Variants in USP3 observed in about 807,000 individuals in gnomAD.
USP3 encodes the protein ubiquitin specific peptidase 3, also known as ubiquitin carboxyl-terminal hydrolase 3.
A neutral mutation model predicts 72.3 loss-of-function variants in USP3; 20 were observed. That is an observed-to-expected ratio of 0.28 (90% CI 0.19 to 0.40). The LOEUF (loss-of-function observed/expected upper bound fraction) is 0.40. Among genes scored for constraint, USP3 ranks in the 10% least tolerant of loss-of-function variants. USP3 has a pLI of 1.00. For missense variants in USP3, 479 were observed against 633.9 expected (o/e 0.76, Z 2.62); for synonymous variants, 222 against 225.3 (o/e 0.99, Z 0.13).
intron 7 of USP3, among the ~76,000 whole-genome samples, chr15:63,562,541 A>C (rs995491784): frequency 2.6e-5 from 4 of 152,204 alleles, no homozygotes; most frequent in Non-Finnish European, 4.4e-5. Flanking sequence ...GGGGAGAAAG[A>C]AAGCCGAATG....
At chr15:63,513,430 A>G (rs1451957631) in intron 1 of USP3, among the ~76,000 whole-genome samples, 1 of 152,124 alleles carries the variant, frequency 6.6e-6, no homozygotes, top group Non-Finnish European at 1.5e-5. Flanking sequence ...CCCAGTCTGG[A>G]GTGCAGTGGT....
At chr15:63,537,772 G>A (rs752727607) in intron 3 of USP3, among the ~76,000 whole-genome samples, 5 of 152,070 alleles carry the variant, frequency 3.3e-5, no homozygotes, top group African/African-American at 7.2e-5. Context: ...CTCAATGTCT[G>A]CCTCCCGGGT....
intron 4 of USP3, among the ~76,000 whole-genome samples, chr15:63,555,330 C>T (rs370783498): frequency 6.6e-6 from 1 of 152,168 alleles, no homozygotes; most frequent in Admixed American, 6.5e-5. Flanking sequence ...TCGACTATTC[C>T]GCATGCCCCG....
chr15:63,580,686 A>ATATC (rs2066941955), intron 11 of USP3, among the ~76,000 whole-genome samples: 1 of 65,896 alleles, frequency 1.5e-5, no homozygotes, highest in African/African-American at 7.5e-5. Context: ...TATAATATAT[A>ATATC]TGCATATATA....
chr15:63,532,587 G>A, intron 1 of USP3, 60 bp from the exon 2 acceptor site: 2 of 1,585,536 alleles, frequency 1.3e-6, no homozygotes, highest in Non-Finnish European at 1.7e-6. Flanking sequence ...CAGGAAAATG[G>A]GGAGAAATTG....
At chr15:63,575,486 G>A (rs1008391277) in intron 11 of USP3, among the ~76,000 whole-genome samples, 4 of 152,138 alleles carry the variant, frequency 2.6e-5, no homozygotes, top group Non-Finnish European at 5.9e-5. Context: ...CTGTTGCTCA[G>A]GTCGTTTCTA....
chr15:63,580,152 C>T (rs933017659), intron 11 of USP3, among the ~76,000 whole-genome samples: 3 of 152,010 alleles, frequency 2.0e-5, no homozygotes, highest in Non-Finnish European at 4.4e-5. Flanking sequence ...ATAAAGTTGA[C>T]CAGTAACTAT....
At chr15:63,514,962 C>T (rs530266451) in intron 1 of USP3, among the ~76,000 whole-genome samples, 1 of 152,216 alleles carries the variant, frequency 6.6e-6, no homozygotes, top group African/African-American at 2.4e-5. Context: ...TAGTTCATGG[C>T]TTTTGTTTTT....
intron 3 of USP3, among the ~76,000 whole-genome samples, chr15:63,546,674 A>T (rs1157744426): frequency 6.6e-6 from 1 of 152,082 alleles, no homozygotes; most frequent in East Asian, 1.9e-4. Context: ...ATCTCAGCTC[A>T]CTGCAAGCTC....
chr15:63,574,985 A>T lies in USP3; in HGVS notation c.1096+582A>T, dbSNP rs1421679497. On this transcript the variant is annotated intron_variant, in intron 11 of 14. Coordinates refer to ENST00000380324, the MANE Select transcript of USP3 (RefSeq NM_006537.4). This position sits in a 1 kb window ranked among gnomAD's most constrained non-coding sequence, Gnocchi z 4.6. ...AAGTGTACAGACAGGTCACAATTAA[A>T]ATGACTAATTGTTCTTGCTAGTTAT... is the stretch of plus-strand genomic sequence containing the variant. 6.6e-6 allele frequency among the ~76,000 whole-genome samples: 1 copy of T among 152,198 alleles called. No individual in the cohort carries two copies.
chr15:63,504,911 GC>G, intron 1 of USP3, 81 bp downstream of exon 1: 1 of 1,149,386 alleles, frequency 8.7e-7, no homozygotes, highest in Non-Finnish European at 1.1e-6. Flanking sequence ...GCCGCAGGCG[GC>G]CGGCGCGCGG....
intron 2 of USP3, among the ~76,000 whole-genome samples, chr15:63,534,908 T>TTTTATTTATTTATTTA (rs200099474): frequency 1.8e-5 from 2 of 112,590 alleles, no homozygotes; most frequent in Admixed American, 8.1e-5. Context: ...AGAGTTTGCC[T>TTTTATTTATTTATTTA]TTTATTTGTT....
intron 6 of USP3, among the ~76,000 whole-genome samples, chr15:63,559,191 CATAAG>C (rs1255006673): frequency 5.9e-5 from 9 of 152,092 alleles, no homozygotes; most frequent in Non-Finnish European, 1.3e-4. Flanking sequence ...TAATCAAGGT[CATAAG>C]ATGAGATGTC....
chr15:63,558,754 A>C (rs1025142983), intron 6 of USP3, among the ~76,000 whole-genome samples: 7 of 152,142 alleles, frequency 4.6e-5, no homozygotes, highest in African/African-American at 1.7e-4. Flanking sequence ...ATGCGCCTCT[A>C]GTCCCAGCTG....
At position 63,593,549 on chromosome 15, in the gene USP3, G is replaced by C. The variant is rs2067241696; in HGVS notation, c.*2723G>C. ...CGGGCAGAGTGGTCTTCAGACAGGT[G>C]ATGCTGTTGGCTTAAGAGATGAACA... is the stretch of plus-strand genomic sequence containing the variant. On this transcript the variant is annotated 3_prime_UTR_variant, in exon 15 of 15. Coordinates refer to ENST00000380324, the MANE Select transcript of USP3 (RefSeq NM_006537.4). 1 of 152,214 alleles carries C rather than the reference G, an allele frequency of 6.6e-6. No homozygotes were observed. The highest frequency in any genetic ancestry group is 2.4e-5 in the African/African-American group (1 of 41,442). The allele number at this position is 152,214 out of a possible 1,614,324, so 9.4% of individuals were successfully genotyped here.
intron 1 of USP3, among the ~76,000 whole-genome samples, chr15:63,506,101 A>G (rs1260563037): frequency 6.6e-6 from 1 of 152,178 alleles, no homozygotes; most frequent in Non-Finnish European, 1.5e-5. Context: ...TGCCTTTGTA[A>G]AGTCAGGTAT....
At chr15:63,527,928 C>A (rs1380158347) in intron 1 of USP3, 1 of 152,214 alleles carries the variant, frequency 6.6e-6, no homozygotes, top group Non-Finnish European at 1.5e-5. Flanking sequence ...GTTTTAGAGG[C>A]TGGGGCTCTT....
chr15:63,522,542 A>G (rs1025938478), intron 1 of USP3, among the ~76,000 whole-genome samples: 4 of 152,226 alleles, frequency 2.6e-5, no homozygotes, highest in Non-Finnish European at 5.9e-5. Context: ...CTTAAAGAGA[A>G]CCAGGTAATA....
intron 1 of USP3, among the ~76,000 whole-genome samples, chr15:63,522,100 T>C (rs1334243163): frequency 3.3e-5 from 5 of 152,222 alleles, no homozygotes; most frequent in Non-Finnish European, 1.5e-5. Flanking sequence ...GATCTGGAAC[T>C]CCTGGTCTCA....
Sources: allele counts gnomAD v4.1 joint callset (sites outside exome capture counted in the v4.1 genomes callset), GRCh38; gene constraint gnomAD v4.1.1; non-coding constraint Gnocchi (gnomAD v3.1); transcripts MANE v1.5; gene names NCBI Gene and HGNC (gene_info 2026-07-23, HGNC 2026-07-21).